Variants in PANK1 observed in about 807,000 individuals in gnomAD.
PANK1 encodes the protein pantothenic acid kinase 1.
PANK1 carries 18 observed loss-of-function variants against 40.1 expected under a neutral mutation model. That is an observed-to-expected ratio of 0.45 (90% CI 0.31 to 0.67). The LOEUF (loss-of-function observed/expected upper bound fraction) is 0.67, where lower values mean the gene tolerates loss of function less well. PANK1 is among the 30% of genes least tolerant of loss of function. PANK1 has a pLI of 0.06. For missense variants in PANK1, 457 were observed against 599.6 expected (o/e 0.76, Z 2.48); for synonymous variants, 242 against 237.7 (o/e 1.02, Z -0.17).
intron 1 of PANK1, among the ~76,000 whole-genome samples, chr10:89,620,739 C>A (rs1052558589): frequency 6.6e-6 from 1 of 152,142 alleles, no homozygotes; most frequent in Non-Finnish European, 1.5e-5. Context: ...CCTTTTGAAA[C>A]CCCTAATAAA....
intron 1 of PANK1, among the ~76,000 whole-genome samples, chr10:89,632,806 G>A (rs1272430248): frequency 1.3e-5 from 2 of 152,112 alleles, no homozygotes; most frequent in African/African-American, 4.8e-5. Flanking sequence ...GGAAAATAAC[G>A]ATGTGATTCC....
rs199852567 is a variant in PANK1, at chr10:89,641,732, AAAATAAAT to A, written c.292+2860_292+2867del. ...CGGCGACAGAGCGAGAATCCGTCTCAAAATAAATAAATAAATAAATAAATAAATAAATA... is the reference window on the plus strand; with the variant it reads ...CGGCGACAGAGCGAGAATCCGTCTCAAAATAAATAAATAAATAAATAAATA... On this transcript the variant is annotated intron_variant, in intron 1 of 6. Transcript: ENST00000307534. 5.6e-3 allele frequency among the ~76,000 whole-genome samples: 806 copies of A among 143,460 alleles called. 10 individuals are homozygous for A. The highest frequency in any genetic ancestry group is 0.017 in the African/African-American group (655 of 37,774). 94.1% of individuals were successfully genotyped at this position (143,460 alleles called of 152,430 possible).
intron 5 of PANK1, among the ~76,000 whole-genome samples, chr10:89,590,181 CG>C (rs1162148263): frequency 3.3e-5 from 5 of 151,804 alleles, no homozygotes; most frequent in Non-Finnish European, 5.9e-5. Context: ...TAAATTTATT[CG>C]GGGAAAAACA....
intron 2 of PANK1, among the ~76,000 whole-genome samples, chr10:89,602,309 A>T (rs1844812087): frequency 6.6e-6 from 1 of 152,248 alleles, no homozygotes; most frequent in African/African-American, 2.4e-5. Context: ...TTTCTAACAA[A>T]GTGCTAGCAG....
intron 6 of PANK1, among the ~76,000 whole-genome samples, chr10:89,587,826 C>T (rs1387760083): frequency 2.0e-5 from 3 of 152,084 alleles, no homozygotes; most frequent in Non-Finnish European, 4.4e-5. Flanking sequence ...AACTTATAAT[C>T]GTATATATTT....
chr10:89,623,799 G>A (rs955984664), intron 1 of PANK1, among the ~76,000 whole-genome samples: 6 of 152,170 alleles, frequency 3.9e-5, no homozygotes, highest in African/African-American at 7.2e-5. Context: ...AATGGCAGGA[G>A]TAAGCCCAAC....
At chr10:89,636,758 A>G (rs375260614) in intron 1 of PANK1, among the ~76,000 whole-genome samples, 1 of 150,262 alleles carries the variant, frequency 6.7e-6, no homozygotes, top group African/African-American at 2.5e-5. Flanking sequence ...GCCTGCCTCC[A>G]CAAGTCGTGT....
chr10:89,616,338 G>C (rs1239203847), intron 1 of PANK1, among the ~76,000 whole-genome samples: 1 of 152,148 alleles, frequency 6.6e-6, no homozygotes, highest in East Asian at 1.9e-4. Context: ...ACACAAAAAT[G>C]TTCACTGCAG....
chr10:89,639,791 A>G (rs1292016911), intron 1 of PANK1, among the ~76,000 whole-genome samples: 1 of 152,200 alleles, frequency 6.6e-6, no homozygotes, highest in African/African-American at 2.4e-5. Context: ...GACAGCCCCT[A>G]TCTCACAGGC....
intron 1 of PANK1, among the ~76,000 whole-genome samples, chr10:89,612,260 A>G (rs995706934): frequency 7.2e-5 from 11 of 152,166 alleles, no homozygotes; most frequent in African/African-American, 2.2e-4. Flanking sequence ...CTCACACACC[A>G]CTGCACTCCA....
At position 89,584,413 on chromosome 10, in the gene PANK1, T is replaced by C. The variant is rs771661156; in HGVS notation, c.1379A>G (p.Asp460Gly). ...ALLELFKMTD[D>G]K ...TTCCTCCACTGCTCGTCTCTACTTG[T>C]CATCAGTCATTTTGAACAGTTCCAA... Residue 460 changes from aspartate (D) to glycine (G), a missense_variant, in exon 7 of 7, where the codon GAC becomes GGC. Around this residue, in one of 4 missense-constraint regions of PANK1, gnomAD observed 22 missense variants for 24.6 expected, o/e 0.89. Coordinates refer to ENST00000307534, the MANE Select transcript of PANK1 (RefSeq NM_148977.3). 6.2e-7 allele frequency: 1 copy of C among 1,600,824 alleles called. No homozygotes were observed. The highest frequency in any genetic ancestry group is 8.6e-7 in the Non-Finnish European group (1 of 1,167,918).
At chr10:89,623,878 G>A (rs1488086275) in intron 1 of PANK1, among the ~76,000 whole-genome samples, 1 of 152,178 alleles carries the variant, frequency 6.6e-6, no homozygotes, top group Non-Finnish European at 1.5e-5. Flanking sequence ...GGTGGGAAGA[G>A]GCTGATTCAC....
In PANK1 at chr10:89,643,733, C is replaced by T. The variant is rs749410878; in HGVS notation, c.292+867G>A. On this transcript the variant is annotated intron_variant, in intron 1 of 6. Transcript: ENST00000307534. ...CCATTTATAAGCTTCATTAAAGACA[C>T]CCACAAAGAAGTAACCAGTTGAATG... The T allele has an allele frequency of 6.2e-6, 10 of 1,613,832 alleles. No individual in the cohort carries two copies. In the South Asian group the frequency reaches 9.9e-5, roughly 16 times the overall value.
intron 1 of PANK1, chr10:89,613,841 T>C: frequency 5.2e-6 from 2 of 384,934 alleles, no homozygotes; most frequent in Non-Finnish European, 5.1e-6. Context: ...AGGAGCAGCA[T>C]GTTGTAATAG....
In PANK1 at chr10:89,611,944, G is replaced by T. The variant is rs1845168303; in HGVS notation, c.397C>A (p.Leu133Met). Residue 133 changes from leucine to methionine, a missense_variant, in exon 2 of 7, where the codon CTG becomes ATG. This residue lies in a region of PANK1 where 286 missense variants were observed against 415.8 expected (regional missense o/e 0.69). Transcript: ENST00000307534. ...AEEEQEEVEN[L>M]KSIRKYLTSN... ...GTCAAATACTTCCGGATGCTCTTCA[G>T]GTTCTCCACTTCCTCTTGCTCCTCT... 4 of 1,614,054 alleles carry T rather than the reference G, an allele frequency of 2.5e-6. No individual in the cohort carries two copies. Among genetic ancestry groups the T allele is most frequent in the South Asian group, 2.2e-5 (2 of 91,084 alleles).
At chr10:89,605,620 T>C (rs1844939327) in intron 2 of PANK1, among the ~76,000 whole-genome samples, 1 of 152,222 alleles carries the variant, frequency 6.6e-6, no homozygotes, top group South Asian at 2.1e-4. Context: ...CTACCATATC[T>C]GCGGTTACTT....
At chr10:89,636,331 ATTATTATTATTT>A (rs1212168477) in intron 1 of PANK1, among the ~76,000 whole-genome samples, 6 of 150,518 alleles carry the variant, frequency 4.0e-5, no homozygotes, top group African/African-American at 1.5e-4. Context: ...TATTATTATT[ATTATTATTATTT>A]TTAATTTTTA....
At chr10:89,641,024 A>T (rs1022626821) in intron 1 of PANK1, among the ~76,000 whole-genome samples, 2 of 152,202 alleles carry the variant, frequency 1.3e-5, no homozygotes, top group African/African-American at 4.8e-5. Flanking sequence ...TCAAATGTGT[A>T]TTGTACAATT....
At chr10:89,593,408 GT>G in intron 4 of PANK1, 88 bp from the exon 5 acceptor site, 1 of 1,440,568 alleles carries the variant, frequency 6.9e-7, no homozygotes, top group Non-Finnish European at 9.5e-7. Context: ...GGCTCTACGA[GT>G]AACTGTTCAA....
Sources: allele counts gnomAD v4.1 joint callset (sites outside exome capture counted in the v4.1 genomes callset), GRCh38; gene constraint gnomAD v4.1.1; regional missense constraint gnomAD v4.1.1; transcripts MANE v1.5; gene names NCBI Gene and HGNC (gene_info 2026-07-23, HGNC 2026-07-21).